Variants in SEPSECS observed in about 807,000 individuals in gnomAD.
SEPSECS encodes O-phosphoseryl-tRNA(Sec) selenium transferase.
A neutral mutation model predicts 52.1 loss-of-function variants in SEPSECS; 42 were observed. The ratio of observed to expected loss-of-function variants is 0.81; its 90% CI spans 0.63 to 1.04. The LOEUF (loss-of-function observed/expected upper bound fraction) is 1.04. SEPSECS is among the 50% of genes least tolerant of loss of function. The probability of loss-of-function intolerance (pLI) is 0.00; values close to 1 mark genes in which losing one functional copy is unlikely to be tolerated. For missense variants in SEPSECS, 590 were observed against 610.6 expected (o/e 0.97, Z 0.36); for synonymous variants, 216 against 211.4 (o/e 1.02, Z -0.19).
rs1294500696 is a variant in SEPSECS, at chr4:25,158,908, A to T, written c.269+45T>A. On this transcript the variant is annotated intron_variant, in intron 2 of 10. Transcript: ENST00000382103. ...TACTGCTGCCATTATTTTGAACCAA[A>T]AATAAATAAACGATGTATCTCCTGT... 7 of 1,586,714 alleles carry T rather than the reference A, an allele frequency of 4.4e-6. No individual in the cohort carries two copies. In the East Asian group the frequency reaches 1.3e-4, roughly 30 times the overall value.
intron 8 of SEPSECS, among the ~76,000 whole-genome samples, chr4:25,139,849 G>A (rs1412548810): frequency 6.6e-6 from 1 of 152,078 alleles, no homozygotes; most frequent in Non-Finnish European, 1.5e-5. Context: ...ATGATATAAG[G>A]GCTTAAGGGT....
intron 8 of SEPSECS, among the ~76,000 whole-genome samples, chr4:25,128,012 A>T (rs993076974): frequency 6.6e-6 from 1 of 152,134 alleles, no homozygotes; most frequent in Non-Finnish European, 1.5e-5. Flanking sequence ...GGCAAATGCT[A>T]AAGACACCTT....
rs1283427441 is a variant in SEPSECS, at chr4:25,158,959, T to A, written c.263A>T (p.His88Leu). The A allele has an allele frequency of 6.2e-7, 1 of 1,613,840 alleles. No homozygotes were observed. The highest frequency in any genetic ancestry group is 8.5e-7 in the Non-Finnish European group (1 of 1,179,856). The stretch of plus-strand genomic sequence containing the variant: ...ACTACTTAAAAAAAGATACCTGTAA[T>A]GACGACGAGCAACCAGTGCGGATGC... Reference protein sequence around the residue: ...RVASALVARRHYRFIHGIGRS... With the variant: ...RVASALVARRLYRFIHGIGRS... The change falls in exon 2 of 11, where the codon CAT becomes CTT. Residue 88 changes from histidine (H) to leucine (L), a missense_variant. His to Leu is a moderately conservative substitution (Grantham distance 99). Transcript: ENST00000382103.
intron 8 of SEPSECS, among the ~76,000 whole-genome samples, chr4:25,130,734 T>G (rs552579868): frequency 1.3e-5 from 2 of 152,164 alleles, no homozygotes; most frequent in South Asian, 4.1e-4. Flanking sequence ...CCTATTAATA[T>G]TACTACATTT....
chr4:25,142,346 C>G (rs994449389), intron 8 of SEPSECS, among the ~76,000 whole-genome samples: 52 of 152,190 alleles, frequency 3.4e-4, no homozygotes, highest in African/African-American at 1.1e-3. Context: ...TTCCCACCAC[C>G]ACCTCATCAT....
Position 25,123,884 on chromosome 4 carries a change from C to G in SEPSECS, c.*47G>C, listed in dbSNP as rs1390261515. On this transcript the variant is annotated 3_prime_UTR_variant, in exon 11 of 11. Coordinates refer to ENST00000382103, the MANE Select transcript of SEPSECS (RefSeq NM_016955.4). ...ATCTTTAAACTGCTTGCTTGTACTA[C>G]AGCCTTATCATTTCTTTCAAATGAT... The G allele has an allele frequency of 6.7e-7, 1 of 1,491,074 alleles. No individual in the cohort carries two copies. The highest frequency in any genetic ancestry group is 9.3e-7 in the Non-Finnish European group (1 of 1,069,536). The allele number at this position is 1,491,074 out of a possible 1,614,324, so 92.4% of individuals were successfully genotyped here.
At chr4:25,155,903 T>C in intron 4 of SEPSECS, 134 bp downstream of exon 4, 2 of 775,574 alleles carry the variant, frequency 2.6e-6, no homozygotes, top group South Asian at 1.8e-5. Context: ...TTGTTACATA[T>C]ATTTTACAAT....
intron 3 of SEPSECS, among the ~76,000 whole-genome samples, chr4:25,156,422 C>T (rs921036697): frequency 6.6e-6 from 1 of 151,076 alleles, no homozygotes; most frequent in Non-Finnish European, 1.5e-5. Flanking sequence ...AAAGTCTTTT[C>T]GGCCGGGCGC....
At chr4:25,145,663 G>A (rs1478777525) in intron 6 of SEPSECS, among the ~76,000 whole-genome samples, 3 of 152,132 alleles carry the variant, frequency 2.0e-5, no homozygotes, top group African/African-American at 7.2e-5. Context: ...GACAACAAAT[G>A]TCTACAATGG....
At position 25,144,326 on chromosome 4, in the gene SEPSECS, CA is replaced by C. The variant is rs34160695; in HGVS notation, c.1026+447del. On this transcript the variant is annotated intron_variant, in intron 8 of 10. Transcript: ENST00000382103. ...TTGCACTCCAACCCAAGACTCCGCTCAAAAAAAAAAAAAAAAAAAAGATAGA... is the reference window on the plus strand; with the variant it reads ...TTGCACTCCAACCCAAGACTCCGCTCAAAAAAAAAAAAAAAAAAAGATAGA... Among the ~76,000 whole-genome samples, 459 of 83,834 alleles carry C rather than the reference CA, an allele frequency of 5.5e-3. 3 individuals carry two copies. The highest frequency in any genetic ancestry group is 0.035 in the South Asian group (84 of 2,404). The allele number at this position is 83,834 out of a possible 152,430, so 55.0% of individuals were successfully genotyped here.
At chr4:25,137,243 C>T (rs924033519) in intron 8 of SEPSECS, among the ~76,000 whole-genome samples, 9 of 152,108 alleles carry the variant, frequency 5.9e-5, no homozygotes, top group African/African-American at 1.9e-4. Flanking sequence ...AGAGCTCCTG[C>T]ACAGCAAAAG....
Position 25,125,506 on chromosome 4 carries a change from G to A in SEPSECS, c.1211+188C>T. The A allele has an allele frequency of 5.0e-6, 3 of 605,424 alleles. No homozygotes were observed. The South Asian group carries it at 6.0e-5, about 12-fold the overall frequency. 37.5% of individuals were successfully genotyped at this position (605,424 alleles called of 1,614,324 possible). A position where few individuals can be genotyped will look rare whatever the true frequency, so the allele number is the denominator to read the frequency against. ...TTCATGTCTTTTTGTGACTATTTCA[G>A]GCATAAGCAGTCCACAGGTGGGCAT... On this transcript the variant is annotated intron_variant, in intron 10 of 10. Coordinates refer to ENST00000382103, the MANE Select transcript of SEPSECS (RefSeq NM_016955.4).
At chr4:25,159,566 GT>G (rs1712919586) in intron 1 of SEPSECS, 1 of 420,580 alleles carries the variant, frequency 2.4e-6, no homozygotes, top group Non-Finnish European at 4.8e-6. Flanking sequence ...GAAGTCAGGA[GT>G]TTGAGATCAG....
At chr4:25,135,959 A>G (rs1728825162) in intron 8 of SEPSECS, among the ~76,000 whole-genome samples, 2 of 152,216 alleles carry the variant, frequency 1.3e-5, no homozygotes, top group Admixed American at 6.5e-5. Context: ...AAACCACATG[A>G]TTATCTCAAT....
At chr4:25,159,204 C>G in intron 1 of SEPSECS, 97 bp from the exon 2 acceptor site, 1 of 1,054,456 alleles carries the variant, frequency 9.5e-7, no homozygotes. Context: ...GTGTATTTTG[C>G]CACGCTGCTT....
chr4:25,150,894 C>A (rs1453584742), intron 6 of SEPSECS, among the ~76,000 whole-genome samples: 1 of 152,086 alleles, frequency 6.6e-6, no homozygotes, highest in African/African-American at 2.4e-5. Flanking sequence ...GTGGTCCCAG[C>A]TACCCGGGAG....
intron 8 of SEPSECS, among the ~76,000 whole-genome samples, chr4:25,142,138 A>G (rs1434752087): frequency 6.6e-6 from 1 of 152,170 alleles, no homozygotes; most frequent in Non-Finnish European, 1.5e-5. Flanking sequence ...ATAGCCAGGC[A>G]TGGTGATGTG....
At position 25,124,239 on chromosome 4, in the gene SEPSECS, G is replaced by A. The variant is rs1379381095; in HGVS notation, c.1212-14C>T. The A allele has an allele frequency of 6.2e-7, 1 of 1,611,454 alleles. No homozygotes were observed. Among genetic ancestry groups the A allele is most frequent in the Admixed American group, 1.7e-5 (1 of 59,824 alleles). The stretch of plus-strand genomic sequence containing the variant: ...AGAGGCACAACCCTGAAAGAAGAAA[G>A]ATTTACCAATTTAATATGTCTGGTA... On this transcript the variant is annotated splice_polypyrimidine_tract_variant and intron_variant, in intron 10 of 10. Transcript: ENST00000382103.
intron 8 of SEPSECS, among the ~76,000 whole-genome samples, chr4:25,142,978 G>A (rs1711686839): frequency 1.3e-5 from 2 of 152,176 alleles, no homozygotes; most frequent in Admixed American, 1.3e-4. Flanking sequence ...ACTAGTTATA[G>A]GAGAGCTAAG....
Sources: allele counts gnomAD v4.1 joint callset (sites outside exome capture counted in the v4.1 genomes callset), GRCh38; gene constraint gnomAD v4.1.1; transcripts MANE v1.5; gene names NCBI Gene and HGNC (gene_info 2026-07-23, HGNC 2026-07-21).